STIMATE: variants seen among roughly 807,000 people sequenced by gnomAD.
STIMATE encodes the protein store-operated calcium entry regulator STIMATE.
STIMATE carries 15 observed loss-of-function variants against 36.7 expected under a neutral mutation model. The ratio of observed to expected loss-of-function variants is 0.41; its 90% CI spans 0.27 to 0.63. The LOEUF (loss-of-function observed/expected upper bound fraction) is 0.63. Ranked by LOEUF, STIMATE falls within the 20% of genes least tolerant of loss-of-function variation. The pLI, the probability that STIMATE is intolerant of heterozygous loss-of-function variation, is 0.32. For synonymous variants in STIMATE, 163 were observed against 162.3 expected, an observed-to-expected ratio of 1.00 and a Z score of -0.03; for missense variants, 305 against 397.3, an observed-to-expected ratio of 0.77 and a Z score of 1.98.
intron 1 of STIMATE, among the ~76,000 whole-genome samples, chr3:52,861,052 T>G (rs758291769): frequency 1.3e-5 from 2 of 152,084 alleles, no homozygotes; most frequent in South Asian, 4.2e-4. Flanking sequence ...CTTTGCAGGA[T>G]GGAGGGGACT....
At chr3:52,891,889 A>G (rs1701788176) in intron 1 of STIMATE, among the ~76,000 whole-genome samples, 1 of 152,310 alleles carries the variant, frequency 6.6e-6, no homozygotes, top group Non-Finnish European at 1.5e-5. Flanking sequence ...CCTGACACCA[A>G]CCCAGCTTCC....
At chr3:52,868,857 T>G (rs112951596) in intron 1 of STIMATE, among the ~76,000 whole-genome samples, 13 of 152,204 alleles carry the variant, frequency 8.5e-5, no homozygotes. Flanking sequence ...TGACCATAAG[T>G]GATCCGCCTG....
intron 1 of STIMATE, among the ~76,000 whole-genome samples, chr3:52,866,084 G>A (rs1207444444): frequency 6.6e-6 from 1 of 152,072 alleles, no homozygotes; most frequent in African/African-American, 2.4e-5. Context: ...TGCTACCTCT[G>A]CCTGTGTGGG....
At chr3:52,867,611 C>A (rs551082876) in intron 1 of STIMATE, among the ~76,000 whole-genome samples, 2 of 152,394 alleles carry the variant, frequency 1.3e-5, no homozygotes, top group South Asian at 4.1e-4. Context: ...CTGATGGCCT[C>A]ATTTCTCAAG....
chr3:52,875,986 C>T (rs1366546556), intron 1 of STIMATE, among the ~76,000 whole-genome samples: 2 of 152,186 alleles, frequency 1.3e-5, no homozygotes, highest in Non-Finnish European at 2.9e-5. Context: ...CCCAACAGCA[C>T]CCTGCTTTAC....
chr3:52,880,872 C>T (rs1701591423), intron 1 of STIMATE, among the ~76,000 whole-genome samples: 1 of 152,216 alleles, frequency 6.6e-6, no homozygotes, highest in Admixed American at 6.5e-5. Context: ...ACTATAGAAA[C>T]TCAGATTTCC....
chr3:52,850,159 G>A (rs1009154745), intron 3 of STIMATE, among the ~76,000 whole-genome samples: 3 of 152,242 alleles, frequency 2.0e-5, no homozygotes, highest in Admixed American at 6.5e-5. Context: ...CTGGCTGCGC[G>A]CGGTGGCTCA....
chr3:52,841,108 C>T (rs1315156514), intron 7 of STIMATE, among the ~76,000 whole-genome samples: 1 of 152,200 alleles, frequency 6.6e-6, no homozygotes, highest in Non-Finnish European at 1.5e-5. Flanking sequence ...CACTCATGGG[C>T]TACTGAAGCC....
intron 1 of STIMATE, among the ~76,000 whole-genome samples, chr3:52,856,167 A>G (rs1332781631): frequency 1.3e-5 from 2 of 152,232 alleles, no homozygotes; most frequent in African/African-American, 4.8e-5. Context: ...AAAGCATGGC[A>G]GAGTGTGTCT....
intron 1 of STIMATE, among the ~76,000 whole-genome samples, chr3:52,873,083 GAAAT>G (rs1459569146): frequency 2.0e-5 from 3 of 152,200 alleles, no homozygotes; most frequent in African/African-American, 7.2e-5. Context: ...CGAAGGCTGA[GAAAT>G]AAATAACAAA....
Position 52,897,278 on chromosome 3 carries a change from G to A in STIMATE, c.160+13C>T, listed in dbSNP as rs1434521245. The A allele has an allele frequency of 8.4e-6, 13 of 1,541,318 alleles. No homozygotes were observed. Among genetic ancestry groups the A allele is most frequent in the Non-Finnish European group, 1.1e-5 (13 of 1,150,376 alleles). On this transcript the variant is annotated intron_variant, in intron 1 of 7. Transcript: ENST00000355083. ...CGCAGGGCCTCCGGAGGGTCGGGGG[G>A]TCCCAGACTCACGCATTAACGTGCT...
Position 52,897,379 on chromosome 3 carries a change from C to T in STIMATE, c.72G>A (p.Ala24=). 6.6e-7 allele frequency: 1 copy of T among 1,516,090 alleles called. No individual in the cohort carries two copies. The highest frequency in any genetic ancestry group is 1.2e-5 in the South Asian group (1 of 83,110). 93.9% of individuals were successfully genotyped at this position (1,516,090 alleles called of 1,614,324 possible). ...GGPPSTVASG[A]GRCESGALMH... ...TGAGCGCGCCGCTCTCGCAGCGGCC[C>T]GCCCCGGACGCGACTGTGGAGGGCG... Residue 24 remains alanine, a synonymous_variant, in exon 1 of 8, where the codon GCG becomes GCA. Coordinates refer to ENST00000355083, the MANE Select transcript of STIMATE (RefSeq NM_198563.5).
At chr3:52,857,654 T>C (rs1371736473) in intron 1 of STIMATE, among the ~76,000 whole-genome samples, 3 of 152,024 alleles carry the variant, frequency 2.0e-5, no homozygotes, top group African/African-American at 7.2e-5. Flanking sequence ...TGGGGGAATA[T>C]ATTATACATT....
intron 1 of STIMATE, among the ~76,000 whole-genome samples, chr3:52,881,292 TG>T (rs1483770628): frequency 1.1e-4 from 17 of 150,888 alleles, no homozygotes; most frequent in African/African-American, 4.1e-4. Context: ...ATAGAAAATG[TG>T]GAAAAAAAAA....
Position 52,870,377 on chromosome 3 carries a change from G to A in STIMATE, c.161-14933C>T, listed in dbSNP as rs1256797800. 3.9e-5 allele frequency among the ~76,000 whole-genome samples: 6 copies of A among 152,080 alleles called. No individual in the cohort carries two copies. The South Asian group carries it at 6.2e-4, about 16-fold the overall frequency. On this transcript the variant is annotated intron_variant, in intron 1 of 7. Coordinates refer to ENST00000355083, the MANE Select transcript of STIMATE (RefSeq NM_198563.5). ...CGATCACTGGTGGTTGTATCACCACGGTTGTGGTTCCAAATCTGGCCTGCG... is the reference window on the plus strand; with the variant it reads ...CGATCACTGGTGGTTGTATCACCACAGTTGTGGTTCCAAATCTGGCCTGCG...
In STIMATE at chr3:52,879,307, A is replaced by G. The variant is rs776604625; in HGVS notation, c.160+17984T>C. Among the ~76,000 whole-genome samples, 570 of 152,306 alleles carry G rather than the reference A, an allele frequency of 3.7e-3. 10 individuals carry two copies. Among genetic ancestry groups the G allele is most frequent in the Non-Finnish European group, 4.7e-3 (321 of 68,024 alleles). ...CAGGGCAGCAGACAGCAGCCAAGGC[A>G]GCCTTTGACCACCAGGAGGCTTGGG... On this transcript the variant is annotated intron_variant, in intron 1 of 7. Transcript: ENST00000355083.
At chr3:52,879,803 C>T (rs1421525367) in intron 1 of STIMATE, among the ~76,000 whole-genome samples, 1 of 152,130 alleles carries the variant, frequency 6.6e-6, no homozygotes, top group African/African-American at 2.4e-5. Flanking sequence ...TGGTAAGCAC[C>T]CCAAGGCATG....
intron 1 of STIMATE, among the ~76,000 whole-genome samples, chr3:52,886,502 T>C (rs1701688122): frequency 6.6e-6 from 1 of 152,238 alleles, no homozygotes; most frequent in African/African-American, 2.4e-5. Context: ...TGAGTTGACA[T>C]ACGTGAAGCA....
At chr3:52,881,508 T>C (rs1701604773) in intron 1 of STIMATE, among the ~76,000 whole-genome samples, 1 of 151,916 alleles carries the variant, frequency 6.6e-6, no homozygotes, top group Admixed American at 6.6e-5. Flanking sequence ...ATCGAGACCA[T>C]CCTGGCTAAC....
Sources: gnomAD v4.1 joint callset for allele counts (sites outside exome capture counted in the v4.1 genomes callset) on GRCh38, gnomAD v4.1.1 for gene constraint, MANE v1.5 for transcripts, NCBI Gene and HGNC (gene_info 2026-07-23, HGNC 2026-07-21) for gene names.